Variants in ALK observed in about 807,000 individuals in gnomAD.
ALK encodes the protein ALK tyrosine kinase receptor.
ALK carries 74 observed loss-of-function variants against 163.1 expected under a neutral mutation model. The observed-to-expected ratio is 0.45, with a 90% CI of 0.38 to 0.55. The LOEUF is 0.55. ALK is among the 20% of genes least tolerant of loss of function. ALK has a pLI of 0.00. For synonymous variants in ALK, 960 were observed against 843.2 expected, an observed-to-expected ratio of 1.14 and a Z score of -2.40; for missense variants, 2,063 against 2,105.3, an observed-to-expected ratio of 0.98 and a Z score of 0.39.
At chr2:29,328,218 C>T in intron 6 of ALK, 132 bp downstream of exon 6, 2 of 1,308,358 alleles carry the variant, frequency 1.5e-6, no homozygotes, top group Non-Finnish European at 2.2e-6. Flanking sequence ...TGTGGCTTTG[C>T]CATGAGAGGA....
intron 1 of ALK, among the ~76,000 whole-genome samples, chr2:29,774,507 C>A (rs1326025324): frequency 6.6e-6 from 1 of 152,206 alleles, no homozygotes; most frequent in Non-Finnish European, 1.5e-5. Context: ...AACCTTATGA[C>A]AAGGGCAGAG....
chr2:29,252,711 T>G (rs1177246490), intron 11 of ALK, among the ~76,000 whole-genome samples: 3 of 152,180 alleles, frequency 2.0e-5, no homozygotes, highest in African/African-American at 7.2e-5. Context: ...ATTTATTTAT[T>G]TTTTGCAAAG....
chr2:29,512,554 A>G (rs1672552419), intron 4 of ALK, among the ~76,000 whole-genome samples: 1 of 147,130 alleles, frequency 6.8e-6, no homozygotes, highest in Non-Finnish European at 1.5e-5. Context: ...CTGAATGGGC[A>G]AAAACTGGAA....
At chr2:29,457,767 A>G (rs915742929) in intron 4 of ALK, among the ~76,000 whole-genome samples, 13 of 152,146 alleles carry the variant, frequency 8.5e-5, no homozygotes, top group Non-Finnish European at 1.2e-4. Context: ...TACATACATT[A>G]TTTCATTCAC....
intron 23 of ALK, among the ~76,000 whole-genome samples, chr2:29,218,924 T>G (rs911617279): frequency 6.6e-6 from 1 of 152,226 alleles, no homozygotes; most frequent in African/African-American, 2.4e-5. Flanking sequence ...GTGTTGGCTC[T>G]AAGGACACAA....
At chr2:29,698,081 A>G (rs1437099337) in intron 2 of ALK, among the ~76,000 whole-genome samples, 1 of 152,188 alleles carries the variant, frequency 6.6e-6, no homozygotes, top group Non-Finnish European at 1.5e-5. Flanking sequence ...CCTAAGGTTA[A>G]TACTCCTTGC....
Position 29,731,983 on chromosome 2 carries a change from C to T in ALK, c.668-14286G>A, listed in dbSNP as rs137864656. Among the ~76,000 whole-genome samples the T allele has an allele frequency of 4.0e-3, 614 of 152,342 alleles. 1 individual carries two copies. Among genetic ancestry groups the T allele is most frequent in the Non-Finnish European group, 6.4e-3 (434 of 68,038 alleles). On this transcript the variant is annotated intron_variant, in intron 1 of 28. Coordinates refer to ENST00000389048, the MANE Select transcript of ALK (RefSeq NM_004304.5). The stretch of plus-strand genomic sequence containing the variant: ...TGGGAGGGGAAGAGAGGAGAGTCCT[C>T]CCTTTGCCCTGGGCCTCGCACACTG...
chr2:29,804,343 T>A (rs1160953573), intron 1 of ALK, among the ~76,000 whole-genome samples: 1 of 152,182 alleles, frequency 6.6e-6, no homozygotes, highest in Admixed American at 6.5e-5. Context: ...TAATGAGACT[T>A]TAAATATCTA....
Position 29,225,504 on chromosome 2 carries a change from G to C in ALK, c.3129C>G (p.Ala1043=), listed in dbSNP as rs2148176412. The C allele has an allele frequency of 6.2e-7, 1 of 1,613,518 alleles. No homozygotes were observed. Residue 1043 remains alanine, a synonymous_variant, in exon 19 of 29, where the codon GCC becomes GCG. Transcript: ENST00000389048. ...AAGCCAGGACCAGGGCGGCCACGAG[G>C]GCAGAGGTCACCACAGAGAGGATCA... ...LSLILSVVTS[A]LVAALVLAFS... is the part of the protein sequence containing the mutation.
chr2:29,197,739 A>C, intron 26 of ALK, 63 bp from the exon 27 acceptor site: 2 of 1,299,000 alleles, frequency 1.5e-6, no homozygotes, highest in South Asian at 1.2e-5. Context: ...TCACACACAC[A>C]CACAGGCACA....
intron 4 of ALK, among the ~76,000 whole-genome samples, chr2:29,395,417 A>T (rs1042711052): frequency 6.6e-6 from 1 of 152,172 alleles, no homozygotes; most frequent in Non-Finnish European, 1.5e-5. Context: ...TCTGCTAGAG[A>T]GGGTCCCCCA....
chr2:29,456,780 G>T (rs1370999470), intron 4 of ALK, among the ~76,000 whole-genome samples: 1 of 152,082 alleles, frequency 6.6e-6, no homozygotes, highest in African/African-American at 2.4e-5. Flanking sequence ...TTATTTTTGA[G>T]GATTAAATTA....
intron 3 of ALK, among the ~76,000 whole-genome samples, chr2:29,613,238 G>A (rs915648802): frequency 3.3e-5 from 5 of 152,106 alleles, no homozygotes; most frequent in African/African-American, 9.7e-5. Context: ...CAAAGAAGCC[G>A]AGAGCTAAAT....
chr2:29,300,194 C>A (rs1181730692), intron 8 of ALK, among the ~76,000 whole-genome samples: 3 of 115,788 alleles, frequency 2.6e-5, no homozygotes, highest in Non-Finnish European at 3.9e-5. Flanking sequence ...TAGGAAGAAG[C>A]TGCCGGTATC....
At chr2:29,609,929 A>ACTG (rs1278513512) in intron 3 of ALK, among the ~76,000 whole-genome samples, 1 of 152,168 alleles carries the variant, frequency 6.6e-6, no homozygotes. Flanking sequence ...AGCATGAGCC[A>ACTG]CTGCACCTGG....
At chr2:29,463,287 A>C (rs62131814) in intron 4 of ALK, among the ~76,000 whole-genome samples, 1 of 152,022 alleles carries the variant, frequency 6.6e-6, no homozygotes, top group Non-Finnish European at 1.5e-5. Flanking sequence ...CAGCAAGAAG[A>C]AGGATTCCAG....
chr2:29,325,121 C>A (rs1424655904), intron 6 of ALK, among the ~76,000 whole-genome samples: 1 of 152,066 alleles, frequency 6.6e-6, no homozygotes, highest in Non-Finnish European at 1.5e-5. Flanking sequence ...AACCTACTTT[C>A]CCCTTCCAAA....
chr2:29,546,877 T>C (rs1673569006), intron 3 of ALK, among the ~76,000 whole-genome samples: 1 of 152,238 alleles, frequency 6.6e-6, no homozygotes, highest in Non-Finnish European at 1.5e-5. Flanking sequence ...TTCCATCTAC[T>C]GTGGTTCTCA....
intron 1 of ALK, among the ~76,000 whole-genome samples, chr2:29,915,660 G>T (rs1168953031): frequency 1.3e-5 from 2 of 152,178 alleles, no homozygotes; most frequent in Non-Finnish European, 1.5e-5. Flanking sequence ...TGGCAATATA[G>T]ATTCTCAACA....
Sources: allele counts gnomAD v4.1 joint callset (sites outside exome capture counted in the v4.1 genomes callset), GRCh38; gene constraint gnomAD v4.1.1; transcripts MANE v1.5; gene names NCBI Gene and HGNC (gene_info 2026-07-23, HGNC 2026-07-21).